USP9X: variants seen among roughly 807,000 people sequenced by gnomAD.
USP9X encodes the protein ubiquitin carboxyl-terminal hydrolase 9X.
USP9X carries 7 observed loss-of-function variants against 190.3 expected under a neutral mutation model. That is an observed-to-expected ratio of 0.04 (90% CI 0.02 to 0.07). USP9X has a LOEUF of 0.07. Among genes scored for constraint, USP9X ranks in the 10% least tolerant of loss-of-function variants. USP9X has a pLI of 1.00. For missense variants in USP9X, 1,010 were observed against 1,916.9 expected (o/e 0.53, Z 8.83); for synonymous variants, 645 against 659.5 (o/e 0.98, Z 0.34).
At chrX:41,192,119 A>G in intron 26 of USP9X, among the ~76,000 whole-genome samples, 1 of 111,916 alleles carries the variant, frequency 8.9e-6, no homozygotes, top group African/African-American at 3.2e-5. Flanking sequence ...CGGCAAGCAG[A>G]GTGATCTCTA....
chrX:41,122,277 G>A lies in USP9X; in HGVS notation c.-158-1194G>A, dbSNP rs530065356. 2.7e-5 allele frequency among the ~76,000 whole-genome samples: 3 copies of A among 111,117 alleles called. No individual in the cohort carries two copies. In the East Asian group the frequency reaches 8.4e-4, roughly 31 times the overall value. On this transcript the variant is annotated intron_variant, in intron 1 of 44. Transcript: ENST00000378308. ...TTTACGTGGTCTTTACTCTGTATGC[G>A]TGCACCCCTGATGTTTCTCTCCAAA...
At chrX:41,206,370 GT>G (rs1368174159) in intron 32 of USP9X, among the ~76,000 whole-genome samples, 5 of 112,028 alleles carry the variant, frequency 4.5e-5, no homozygotes, top group Non-Finnish European at 9.4e-5. Flanking sequence ...CTCATAACTG[GT>G]TTTTACTGAT....
At position 41,125,724 on chromosome X, in the gene USP9X, A is replaced by ACG. The variant is rs1217202701; in HGVS notation, c.96+2010_96+2011dup. Among the ~76,000 whole-genome samples the ACG allele has an allele frequency of 1.3e-3, 79 of 61,817 alleles. 1 individual carries two copies. Among genetic ancestry groups the ACG allele is most frequent in the Admixed American group, 4.2e-3 (24 of 5,737 alleles). The allele number at this position is 61,817 out of a possible 115,157, so 53.7% of individuals were successfully genotyped here. Reference sequence around the variant, plus strand: ...CTCTCTCTCTCTCTCTCTCTCGCGCACGCGCGCGCGCTCTCTCTCTCTCTG... The same window carrying ACG: ...CTCTCTCTCTCTCTCTCTCTCGCGCACGCGCGCGCGCGCTCTCTCTCTCTCTG... On this transcript the variant is annotated intron_variant, in intron 2 of 44. Transcript: ENST00000378308.
chrX:41,103,475 T>G (rs186755363), intron 1 of USP9X, among the ~76,000 whole-genome samples: 78 of 111,366 alleles, frequency 7.0e-4, no homozygotes, highest in Admixed American at 2.8e-3. Flanking sequence ...GTGTATAGAG[T>G]AGTGTAATCA....
intron 14 of USP9X, among the ~76,000 whole-genome samples, chrX:41,160,192 C>T (rs1401389376): frequency 2.7e-5 from 3 of 109,320 alleles, no homozygotes; most frequent in Non-Finnish European, 3.8e-5. Flanking sequence ...CTGTTTTCAG[C>T]GGGATATTTG....
chrX:41,167,859 A>T, intron 17 of USP9X, 148 bp from the exon 18 acceptor site: 1 of 464,102 alleles, frequency 2.2e-6, no homozygotes, highest in Non-Finnish European at 3.5e-6. Flanking sequence ...CATACATTTT[A>T]TTATTGTATG....
At chrX:41,195,920 CA>C in intron 26 of USP9X, 1 of 368,741 alleles carries the variant, frequency 2.7e-6, no homozygotes, top group Non-Finnish European at 5.1e-6. Flanking sequence ...TGTGGAAGGC[CA>C]AAAAGATGCA....
intron 21 of USP9X, among the ~76,000 whole-genome samples, chrX:41,177,703 GTAA>G (rs759764961): frequency 1.8e-5 from 2 of 111,989 alleles, no homozygotes; most frequent in Non-Finnish European, 3.8e-5. Context: ...TTGCAAAATG[GTAA>G]TTTTGTTTTA....
At chrX:41,128,886 T>C in intron 2 of USP9X, 114 bp from the exon 3 acceptor site, 1 of 775,654 alleles carries the variant, frequency 1.3e-6, no homozygotes, top group African/African-American at 2.1e-5. Context: ...CATGGATATG[T>C]AGGGCTATTT....
chrX:41,206,571 T>G lies in USP9X; in HGVS notation c.5015+1078T>G, dbSNP rs765569630. 3.6e-5 allele frequency among the ~76,000 whole-genome samples: 4 copies of G among 110,719 alleles called. No homozygotes were observed. The Admixed American group carries it at 3.9e-4, about 11-fold the overall frequency. On this transcript the variant is annotated intron_variant, in intron 32 of 44. Transcript: ENST00000378308. Reference sequence around the variant, plus strand: ...CCCTGTGGTCGTTTATTATTTTCTGTTTTTCTTGGTCACCTGCATCTTCTA... The same window carrying G: ...CCCTGTGGTCGTTTATTATTTTCTGGTTTTCTTGGTCACCTGCATCTTCTA...
intron 15 of USP9X, among the ~76,000 whole-genome samples, chrX:41,165,272 T>C (rs1170371916): frequency 8.9e-6 from 1 of 112,047 alleles, no homozygotes; most frequent in Non-Finnish European, 1.9e-5. Context: ...CCATCTTTAA[T>C]TGGAGTGCAG....
intron 1 of USP9X, among the ~76,000 whole-genome samples, chrX:41,097,436 C>T (rs2061999692): frequency 9.0e-6 from 1 of 111,280 alleles, no homozygotes; most frequent in Non-Finnish European, 1.9e-5. Flanking sequence ...GTGAGTCATT[C>T]TCAAACTTGG....
At position 41,137,751 on chromosome X, in the gene USP9X, A is replaced by C. The variant is rs746800105; in HGVS notation, c.654+729A>C. Among the ~76,000 whole-genome samples, 9 of 111,545 alleles carry C rather than the reference A, an allele frequency of 8.1e-5. No individual in the cohort carries two copies. The East Asian group carries it at 2.5e-3, about 31-fold the overall frequency. On this transcript the variant is annotated intron_variant, in intron 6 of 44. Coordinates refer to ENST00000378308, the MANE Select transcript of USP9X (RefSeq NM_001039591.3). ...GTCAAACTTAAGTTGAGATTTTCTG[A>C]TATTTCCTAGTTCATATAGTTGCCA...
chrX:41,160,101 T>G (rs1454235968), intron 14 of USP9X, among the ~76,000 whole-genome samples: 3 of 109,973 alleles, frequency 2.7e-5, no homozygotes, highest in African/African-American at 6.6e-5. Flanking sequence ...CAATTTATGT[T>G]AGTCTCAGCC....
At chrX:41,143,750 A>G (rs1374801866) in intron 10 of USP9X, among the ~76,000 whole-genome samples, 2 of 112,235 alleles carry the variant, frequency 1.8e-5, no homozygotes, top group East Asian at 5.5e-4. Flanking sequence ...TGGTTTCTTC[A>G]TAGATTTAAT....
chrX:41,125,684 A>ACACACACACACACACCCTCTCTCT, intron 2 of USP9X, among the ~76,000 whole-genome samples: 1 of 19,026 alleles, frequency 5.3e-5, no homozygotes, highest in Non-Finnish European at 9.0e-5. Flanking sequence ...ACACACACAC[A>ACACACACACACACACCCTCTCTCT]CTCTCTCTCT....
At chrX:41,184,293 G>A (rs2062853849) in intron 22 of USP9X, 104 bp from the exon 23 acceptor site, 2 of 1,013,798 alleles carry the variant, frequency 2.0e-6, no homozygotes, top group African/African-American at 2.0e-5. Context: ...AAATAATAGT[G>A]AGATGGTCAA....
intron 1 of USP9X, among the ~76,000 whole-genome samples, chrX:41,097,971 T>A (rs913918843): frequency 4.5e-5 from 5 of 111,612 alleles, no homozygotes; most frequent in South Asian, 3.7e-4. Context: ...CTGAGATATA[T>A]AACTTACAGT....
intron 13 of USP9X, 105 bp downstream of exon 13, chrX:41,151,162 T>C (rs2062521411): frequency 1.2e-6 from 1 of 800,191 alleles, no homozygotes. Context: ...ATTAGTGGAG[T>C]GAGAAGAGGC....
Sources: allele counts gnomAD v4.1 joint callset (sites outside exome capture counted in the v4.1 genomes callset), GRCh38; gene constraint gnomAD v4.1.1; transcripts MANE v1.5; gene names NCBI Gene and HGNC (gene_info 2026-07-23, HGNC 2026-07-21).